Variants in PHF8 observed in about 807,000 individuals in gnomAD.
PHF8 encodes the protein histone lysine demethylase PHF8.
Under a neutral mutation model 74.4 loss-of-function variants are expected in PHF8, and 9 were observed. That is an observed-to-expected ratio of 0.12 (90% CI 0.07 to 0.21). The LOEUF is 0.21. PHF8 is among the 10% of genes least tolerant of loss of function. The pLI is 1.00. For missense variants in PHF8, 478 were observed against 816.6 expected (o/e 0.59, Z 5.05); for synonymous variants, 311 against 316.6 (o/e 0.98, Z 0.19).
chrX:53,944,351 T>C, intron 19 of PHF8, 108 bp from the exon 20 acceptor site: 1 of 565,062 alleles, frequency 1.8e-6, no homozygotes, highest in Non-Finnish European at 2.9e-6. Flanking sequence ...TCTTCCTGCT[T>C]CTAGCTTTTT....
chrX:54,033,334 G>C (rs781841303), intron 2 of PHF8, among the ~76,000 whole-genome samples: 5 of 112,283 alleles, frequency 4.5e-5, no homozygotes, highest in Non-Finnish European at 9.4e-5. Flanking sequence ...AGATGACACA[G>C]ATGTTGGAAT....
chrX:53,955,505 T>G (rs982608513), intron 19 of PHF8, among the ~76,000 whole-genome samples: 115 of 109,178 alleles, frequency 1.1e-3, no homozygotes, highest in Admixed American at 2.7e-3. Flanking sequence ...TGGCCAAAAG[T>G]GAACAGGATT....
chrX:54,005,725 G>A (rs2065889261), intron 8 of PHF8, among the ~76,000 whole-genome samples: 1 of 109,280 alleles, frequency 9.2e-6, no homozygotes, highest in South Asian at 3.9e-4. Flanking sequence ...AAACCACAGA[G>A]GCCAGAACGA....
intron 16 of PHF8, among the ~76,000 whole-genome samples, chrX:53,986,378 A>G (rs1456613901): frequency 1.8e-5 from 2 of 112,250 alleles, no homozygotes; most frequent in African/African-American, 6.5e-5. Flanking sequence ...AGTAGCTGGG[A>G]CTACAGGGGT....
intron 13 of PHF8, 27 bp from the exon 14 acceptor site, chrX:53,992,866 A>C (rs1190967714): frequency 1.0e-6 from 1 of 994,920 alleles, no homozygotes; most frequent in Non-Finnish European, 1.4e-6. Flanking sequence ...CTCAGCCGTT[A>C]CCTGTCTGGG....
intron 2 of PHF8, among the ~76,000 whole-genome samples, chrX:54,026,413 C>A (rs2066268113): frequency 9.2e-6 from 1 of 108,577 alleles, no homozygotes; most frequent in South Asian, 4.0e-4. Context: ...TGAAATTCCC[C>A]ACTCAACTCT....
At chrX:54,022,408 C>G in intron 3 of PHF8, 41 bp from the exon 4 acceptor site, 2 of 880,677 alleles carry the variant, frequency 2.3e-6, no homozygotes, top group Non-Finnish European at 3.4e-6. Context: ...TCAGAACGGT[C>G]ATGAGCTATG....
intron 19 of PHF8, among the ~76,000 whole-genome samples, chrX:53,951,611 C>T (rs1298231699): frequency 9.1e-6 from 1 of 110,232 alleles, no homozygotes; most frequent in Non-Finnish European, 1.9e-5. Flanking sequence ...CCACCACGCC[C>T]GGCTAATTTT....
intron 6 of PHF8, among the ~76,000 whole-genome samples, chrX:54,016,126 A>G (rs1234900228): frequency 8.9e-6 from 1 of 111,906 alleles, no homozygotes; most frequent in African/African-American, 3.2e-5. Context: ...CTCAACTGTT[A>G]CAACGTGAGC....
chrX:54,030,393 A>G (rs2066335280), intron 2 of PHF8, among the ~76,000 whole-genome samples: 1 of 111,624 alleles, frequency 9.0e-6, no homozygotes, highest in African/African-American at 3.3e-5. Context: ...GAGGATAATT[A>G]TTATAGCACC....
rs2066603255 is a variant in PHF8, at chrX:54,043,752, C to T, written c.-93+10G>A. 1.4e-6 allele frequency: 1 copy of T among 702,570 alleles called. No homozygotes were observed. The highest frequency in any genetic ancestry group is 8.9e-5 in the Admixed American group (1 of 11,289). 57.9% of individuals were successfully genotyped at this position (702,570 alleles called of 1,213,427 possible). On this transcript the variant is annotated intron_variant, in intron 1 of 21. Transcript: ENST00000338154. ...CTGACAGTAATAGCCTCGCAGCCCC[C>T]AAAACTTACAGGAATCTTAACGCTT...
intron 17 of PHF8, among the ~76,000 whole-genome samples, 162 bp from the exon 18 acceptor site, chrX:53,985,389 G>A (rs1376996568): frequency 9.0e-6 from 1 of 111,657 alleles, no homozygotes; most frequent in Admixed American, 9.5e-5. Flanking sequence ...TAAGTTTAAG[G>A]ATCAAGACAG....
chrX:53,995,482 G>C (rs1016310324), intron 12 of PHF8, among the ~76,000 whole-genome samples: 8 of 112,076 alleles, frequency 7.1e-5, no homozygotes, highest in Non-Finnish European at 1.1e-4. Context: ...GTTCTTTGTG[G>C]GCAGGCACTA....
At chrX:53,965,511 T>C (rs2065171062) in intron 18 of PHF8, among the ~76,000 whole-genome samples, 1 of 112,517 alleles carries the variant, frequency 8.9e-6, no homozygotes, top group Non-Finnish European at 1.9e-5. Flanking sequence ...TGGTAGCACA[T>C]GCCTGTAATC....
intron 18 of PHF8, among the ~76,000 whole-genome samples, chrX:53,969,252 A>C (rs1407825631): frequency 2.7e-5 from 3 of 111,538 alleles, no homozygotes; most frequent in Admixed American, 9.6e-5. Flanking sequence ...ACAACAACAA[A>C]AAAAACACCT....
At chrX:53,975,060 A>G (rs1329742362) in intron 18 of PHF8, among the ~76,000 whole-genome samples, 1 of 111,969 alleles carries the variant, frequency 8.9e-6, no homozygotes, top group Non-Finnish European at 1.9e-5. Context: ...CCCAGAACTT[A>G]AAAGTTGGAA....
intron 20 of PHF8, among the ~76,000 whole-genome samples, chrX:53,943,892 T>C (rs1161108920): frequency 5.4e-5 from 6 of 112,057 alleles, no homozygotes; most frequent in Non-Finnish European, 1.1e-4. Context: ...GGTTTTTCTC[T>C]GGCCTAATAT....
chrX:53,957,906 A>C (rs1557089262), intron 19 of PHF8, among the ~76,000 whole-genome samples: 1 of 111,910 alleles, frequency 8.9e-6, no homozygotes, highest in Non-Finnish European at 1.9e-5. Context: ...GATGCTTGAG[A>C]CATTACTCAT....
At chrX:54,002,333 T>A in intron 9 of PHF8, 72 bp from the exon 10 acceptor site, 3 of 662,651 alleles carry the variant, frequency 4.5e-6, no homozygotes, top group Non-Finnish European at 5.0e-6. Context: ...TCAGGTTTTG[T>A]TCTGGATGCT....
Sources: gnomAD v4.1 joint callset for allele counts (sites outside exome capture counted in the v4.1 genomes callset) on GRCh38, gnomAD v4.1.1 for gene constraint, MANE v1.5 for transcripts, NCBI Gene and HGNC (gene_info 2026-07-23, HGNC 2026-07-21) for gene names.